PTPRN2: variants seen among roughly 807,000 people sequenced by gnomAD.
PTPRN2 encodes receptor-type tyrosine-protein phosphatase N2.
In PTPRN2, 74 loss-of-function variants were observed where a neutral mutation model predicts 118.8. The ratio of observed to expected loss-of-function variants is 0.62; its 90% CI spans 0.52 to 0.76. The LOEUF is 0.76. Ranked by LOEUF, PTPRN2 falls within the 30% of genes least tolerant of loss-of-function variation. The pLI, the probability that PTPRN2 is intolerant of heterozygous loss-of-function variation, is 0.00. For missense variants in PTPRN2, 1,481 were observed against 1,394.4 expected, an observed-to-expected ratio of 1.06 and a Z score of -0.99; for synonymous variants, 641 against 608.0, an observed-to-expected ratio of 1.05 and a Z score of -0.80.
intron 13 of PTPRN2, among the ~76,000 whole-genome samples, chr7:157,663,743 T>C (rs927273631): frequency 6.6e-6 from 1 of 152,268 alleles, no homozygotes; most frequent in African/African-American, 2.4e-5. Flanking sequence ...GAGAAAGCAC[T>C]GAGGGGCATC....
chr7:158,463,157 T>C (rs1819124466), intron 2 of PTPRN2, among the ~76,000 whole-genome samples: 1 of 152,170 alleles, frequency 6.6e-6, no homozygotes, highest in African/African-American at 2.4e-5. Flanking sequence ...CCTACATGGT[T>C]CTAGTCATTT....
At chr7:158,098,004 C>T (rs1366282374) in intron 10 of PTPRN2, among the ~76,000 whole-genome samples, 1 of 152,170 alleles carries the variant, frequency 6.6e-6, no homozygotes, top group Non-Finnish European at 1.5e-5. Context: ...CTGCTCCCCT[C>T]GAGACACCAA....
At chr7:158,256,376 G>A (rs1162165119) in intron 3 of PTPRN2, among the ~76,000 whole-genome samples, 2 of 152,214 alleles carry the variant, frequency 1.3e-5, no homozygotes, top group African/African-American at 4.8e-5. Flanking sequence ...ACTCTGAGAG[G>A]AGTTGTCACG....
intron 2 of PTPRN2, among the ~76,000 whole-genome samples, chr7:158,340,435 CGT>C (rs1266197041): frequency 1.0e-4 from 7 of 67,610 alleles, no homozygotes; most frequent in African/African-American, 1.4e-4. Context: ...ACACTCTCAC[CGT>C]AAGAGCTGAC....
intron 22 of PTPRN2, among the ~76,000 whole-genome samples, chr7:157,541,361 T>C (rs539751262): frequency 1.1e-4 from 16 of 152,304 alleles, no homozygotes; most frequent in Non-Finnish European, 2.1e-4. Context: ...CCCTCCTGGC[T>C]CAGGGCATGC....
At chr7:157,921,697 T>C (rs184927451) in intron 11 of PTPRN2, among the ~76,000 whole-genome samples, 9 of 152,358 alleles carry the variant, frequency 5.9e-5, no homozygotes, top group Admixed American at 2.0e-4. Context: ...TTCCAGGGCA[T>C]GGCGCAGTAA....
intron 17 of PTPRN2, among the ~76,000 whole-genome samples, chr7:157,594,045 C>A (rs187533896): frequency 1.8e-4 from 27 of 152,358 alleles, no homozygotes; most frequent in South Asian, 1.0e-3. Flanking sequence ...GTAAGTGATG[C>A]CATCTCTCCA....
At chr7:157,782,889 G>A (rs907405225) in intron 12 of PTPRN2, among the ~76,000 whole-genome samples, 2 of 152,176 alleles carry the variant, frequency 1.3e-5, no homozygotes, top group Non-Finnish European at 2.9e-5. Context: ...GAGTGCACTC[G>A]GTGCTGGCTG....
At chr7:157,753,352 T>A (rs1328231822) in intron 12 of PTPRN2, among the ~76,000 whole-genome samples, 2 of 152,134 alleles carry the variant, frequency 1.3e-5, no homozygotes, top group Non-Finnish European at 2.9e-5. Context: ...TCGGGAAAGT[T>A]GAGAACTTAC....
chr7:157,817,232 G>A (rs928826283), intron 12 of PTPRN2, among the ~76,000 whole-genome samples: 3 of 152,196 alleles, frequency 2.0e-5, no homozygotes, highest in African/African-American at 7.2e-5. Context: ...TTTTGCACAC[G>A]TCTGGCTCTG....
chr7:158,240,798 C>G (rs761553347), intron 3 of PTPRN2, among the ~76,000 whole-genome samples: 17 of 152,192 alleles, frequency 1.1e-4, no homozygotes, highest in South Asian at 6.2e-4. Flanking sequence ...AATATTGATT[C>G]AATGGGGAGG....
chr7:158,559,307 C>G (rs563241790), intron 1 of PTPRN2, among the ~76,000 whole-genome samples: 3 of 152,216 alleles, frequency 2.0e-5, no homozygotes, highest in African/African-American at 4.8e-5. Context: ...CCTACTCATA[C>G]TTCTCAACAC....
intron 9 of PTPRN2, among the ~76,000 whole-genome samples, chr7:158,119,168 C>T (rs1816950994): frequency 6.6e-6 from 1 of 152,036 alleles, no homozygotes; most frequent in Admixed American, 6.5e-5. Flanking sequence ...TCTTAAAACT[C>T]AACAACAAAA....
intron 14 of PTPRN2, among the ~76,000 whole-genome samples, chr7:157,641,802 C>T (rs999004888): frequency 5.3e-5 from 8 of 152,152 alleles, no homozygotes; most frequent in African/African-American, 1.2e-4. Flanking sequence ...GTCGACTTTT[C>T]GGGTTCAAGA....
chr7:157,613,400 C>T (rs1460132386), intron 15 of PTPRN2, among the ~76,000 whole-genome samples: 1 of 152,236 alleles, frequency 6.6e-6, no homozygotes, highest in Non-Finnish European at 1.5e-5. Context: ...GAGGCGGGTC[C>T]GGGCGGGCCC....
At chr7:158,059,576 C>T (rs879015523) in intron 11 of PTPRN2, among the ~76,000 whole-genome samples, 2 of 119,630 alleles carry the variant, frequency 1.7e-5, no homozygotes, top group South Asian at 2.9e-4. Context: ...CATCTGCCCA[C>T]GGTGACACAT....
intron 2 of PTPRN2, among the ~76,000 whole-genome samples, chr7:158,425,422 GACCAGCCTAGC>G (rs1815652711): frequency 4.4e-5 from 1 of 22,690 alleles, no homozygotes; most frequent in Admixed American, 3.3e-4. Flanking sequence ...CGGGGTCCGA[GACCAGCCTAGC>G]TGAGGCCTGC....
rs1378793059 is a variant in PTPRN2, at chr7:157,621,378, G to A, written c.2328C>T (p.Ser776=). 3.9e-6 allele frequency: 6 copies of A among 1,525,390 alleles called. No individual in the cohort carries two copies. In the African/African-American group the frequency reaches 4.6e-5, roughly 12 times the overall value. 94.5% of individuals were successfully genotyped at this position (1,525,390 alleles called of 1,614,324 possible). A position where few individuals can be genotyped will look rare whatever the true frequency, so the allele number is the denominator to read the frequency against. ...QREENVPKNR[S]LAVLTYDHSR... is the part of the protein sequence containing the mutation. ...GGTACGTACAGGTCAGCACGGCCAG[G>A]GAGCGGTTCTTGGGCACGTTCTCCT... The change falls in exon 15 of 23, where the codon TCC becomes TCT. Residue 776 remains serine (S), a synonymous_variant. Coordinates refer to ENST00000389418, the MANE Select transcript of PTPRN2 (RefSeq NM_002847.5).
chr7:158,259,036 C>T (rs57923008), intron 3 of PTPRN2, among the ~76,000 whole-genome samples: 6,161 of 152,224 alleles, frequency 0.04, 399 homozygotes, highest in African/African-American at 0.14. Context: ...GAGGCAGCAG[C>T]ACCAGCAACG....
Sources: allele counts gnomAD v4.1 joint callset (sites outside exome capture counted in the v4.1 genomes callset), GRCh38; gene constraint gnomAD v4.1.1; transcripts MANE v1.5; gene names NCBI Gene and HGNC (gene_info 2026-07-23, HGNC 2026-07-21).